Variants in FOXK1 observed in about 807,000 individuals in gnomAD.
FOXK1 encodes forkhead box protein K1.
FOXK1 carries 19 observed loss-of-function variants against 51.9 expected under a neutral mutation model. The ratio of observed to expected loss-of-function variants is 0.37; its 90% CI spans 0.26 to 0.54. FOXK1 has a LOEUF of 0.54. FOXK1 is among the 20% of genes least tolerant of loss of function. The probability of loss-of-function intolerance (pLI) is 0.87; values close to 1 mark genes in which losing one functional copy is unlikely to be tolerated. For missense variants in FOXK1, 870 were observed against 1,032.7 expected, an observed-to-expected ratio of 0.84 and a Z score of 2.16; for synonymous variants, 537 against 482.6, an observed-to-expected ratio of 1.11 and a Z score of -1.48.
In FOXK1 at chr7:4,733,535, T is replaced by C. The variant is rs896266273; in HGVS notation, c.561-7303T>C. On this transcript the variant is annotated intron_variant, in intron 1 of 8. Transcript: ENST00000328914. The surrounding 1 kb of genome is among the most constrained non-coding windows in gnomAD (Gnocchi z 5.0). ...TAGACATGACCCATTTGTATCCCAT[T>C]GACCAGCTCATAGTCTCATGGTTGC... is the stretch of plus-strand genomic sequence containing the variant. 6.6e-6 allele frequency among the ~76,000 whole-genome samples: 1 copy of C among 152,192 alleles called. No individual in the cohort carries two copies. Among genetic ancestry groups the C allele is most frequent in the African/African-American group, 2.4e-5 (1 of 41,446 alleles).
chr7:4,689,357 C>T (rs1043898371), intron 1 of FOXK1, among the ~76,000 whole-genome samples: 7 of 152,138 alleles, frequency 4.6e-5, no homozygotes, highest in African/African-American at 9.7e-5. Context: ...TGCTGAGAGG[C>T]GTATTGTGAG....
chr7:4,693,903 A>G (rs1316468587), intron 1 of FOXK1, among the ~76,000 whole-genome samples: 1 of 151,934 alleles, frequency 6.6e-6, no homozygotes, highest in Non-Finnish European at 1.5e-5. Context: ...TTTTTTCTGT[A>G]GAGACAAGGG....
At position 4,723,044 on chromosome 7, in the gene FOXK1, G is replaced by T. The variant is rs1324655036; in HGVS notation, c.561-17794G>T. Among the ~76,000 whole-genome samples the T allele has an allele frequency of 6.6e-6, 1 of 152,052 alleles. No homozygotes were observed. The highest frequency in any genetic ancestry group is 2.4e-5 in the African/African-American group (1 of 41,392). ...CTGGGTTCAGATCACCACACAACCT[G>T]TATCAGCTTGTGATCCCGAACAAAA... On this transcript the variant is annotated intron_variant, in intron 1 of 8. Transcript: ENST00000328914. The surrounding 1 kb of genome is among the most constrained non-coding windows in gnomAD (Gnocchi z 4.7).
At chr7:4,742,932 G>C (rs748872576) in intron 2 of FOXK1, among the ~76,000 whole-genome samples, 1 of 152,228 alleles carries the variant, frequency 6.6e-6, no homozygotes, top group Non-Finnish European at 1.5e-5. Context: ...CTCGTGGAGA[G>C]AGAAGTTCAG....
intron 1 of FOXK1, among the ~76,000 whole-genome samples, chr7:4,732,328 C>CCATTCATTCATT (rs546632870): frequency 6.6e-6 from 1 of 152,256 alleles, no homozygotes; most frequent in South Asian, 2.1e-4. Context: ...CGACAGTTCT[C>CCATTCATTCATT]CATTCATTCA....
Position 4,749,598 on chromosome 7 carries a change from T to G in FOXK1, c.747-4861T>G, listed in dbSNP as rs1344992850. On this transcript the variant is annotated intron_variant, in intron 2 of 8. Transcript: ENST00000328914. The surrounding 1 kb of genome is among the most constrained non-coding windows in gnomAD (Gnocchi z 6.0). ...CAGCCCCTCCAGGCGGGTCCCTCTG[T>G]GTCTCTAGGGCTTCAGGAGGGATCA... Among the ~76,000 whole-genome samples, 1 of 152,142 alleles carries G rather than the reference T, an allele frequency of 6.6e-6. No individual in the cohort carries two copies. The highest frequency in any genetic ancestry group is 1.9e-4 in the East Asian group (1 of 5,186).
rs747115358 is a variant in FOXK1, at chr7:4,735,192, GTC to G, written c.561-5644_561-5643del. Among the ~76,000 whole-genome samples the G allele has an allele frequency of 5.3e-5, 8 of 152,010 alleles. No homozygotes were observed. Among genetic ancestry groups the G allele is most frequent in the Non-Finnish European group, 1.2e-4 (8 of 68,012 alleles). On this transcript the variant is annotated intron_variant, in intron 1 of 8. Transcript: ENST00000328914. The surrounding 1 kb of genome is among the most constrained non-coding windows in gnomAD (Gnocchi z 4.7). ...CTCGCTGTGTAGAGACGGCTCTGTG[GTC>G]TGAGGCTGAGCCAGGCAGTGTCATC...
chr7:4,770,803 T>A lies in FOXK1; in HGVS notation c.*8339T>A, dbSNP rs1781087577. On this transcript the variant is annotated 3_prime_UTR_variant, in exon 9 of 9. Coordinates refer to ENST00000328914, the MANE Select transcript of FOXK1 (RefSeq NM_001037165.2). ...AGCCAATATTGAGTTTTTGTTCTTG[T>A]TGTTTTAATCTGAACGATTATTCTC... 6.6e-6 allele frequency: 1 copy of A among 151,998 alleles called. No homozygotes were observed. The highest frequency in any genetic ancestry group is 1.5e-5 in the Non-Finnish European group (1 of 68,042). The allele number at this position is 151,998 out of a possible 1,614,324, so 9.4% of individuals were successfully genotyped here.
Position 4,747,969 on chromosome 7 carries a change from G to A in FOXK1, c.747-6490G>A, listed in dbSNP as rs756501398. Reference sequence around the variant, plus strand: ...CAAGCGATCCTCCCACCTCAGCCGTGACTACAGGAGCAATCCACTAGTTAA... The same window carrying A: ...CAAGCGATCCTCCCACCTCAGCCGTAACTACAGGAGCAATCCACTAGTTAA... On this transcript the variant is annotated intron_variant, in intron 2 of 8. Coordinates refer to ENST00000328914, the MANE Select transcript of FOXK1 (RefSeq NM_001037165.2). The surrounding 1 kb of genome is among the most constrained non-coding windows in gnomAD (Gnocchi z 9.2). Among the ~76,000 whole-genome samples the A allele has an allele frequency of 2.0e-5, 3 of 152,094 alleles. No homozygotes were observed. Among genetic ancestry groups the A allele is most frequent in the Non-Finnish European group, 4.4e-5 (3 of 68,012 alleles).
intron 1 of FOXK1, among the ~76,000 whole-genome samples, chr7:4,702,653 A>AT (rs1490193946): frequency 6.6e-6 from 1 of 152,112 alleles, no homozygotes; most frequent in Non-Finnish European, 1.5e-5. Context: ...GCCAGCATTC[A>AT]TTGTTTAGTT....
At chr7:4,720,706 TA>T (rs1287504461) in intron 1 of FOXK1, among the ~76,000 whole-genome samples, 2 of 140,048 alleles carry the variant, frequency 1.4e-5, no homozygotes, top group African/African-American at 4.9e-5. Context: ...CCTAGCTTTT[TA>T]CTTTTTTTTT....
Position 4,748,423 on chromosome 7 carries a change from T to C in FOXK1, c.747-6036T>C, listed in dbSNP as rs1583208012. Among the ~76,000 whole-genome samples, 1 of 152,344 alleles carries C rather than the reference T, an allele frequency of 6.6e-6. No homozygotes were observed. The highest frequency in any genetic ancestry group is 1.9e-4 in the East Asian group (1 of 5,178). ...CTGTATTAGAACTGTGTAGTGATTG[T>C]AGCGCTTAGCCATTTCCTTCCTTGT... On this transcript the variant is annotated intron_variant, in intron 2 of 8. Transcript: ENST00000328914. This position sits in a 1 kb window ranked among gnomAD's most constrained non-coding sequence, Gnocchi z 4.9.
chr7:4,691,053 T>G (rs962074980), intron 1 of FOXK1, among the ~76,000 whole-genome samples: 1 of 152,172 alleles, frequency 6.6e-6, no homozygotes, highest in Non-Finnish European at 1.5e-5. Flanking sequence ...GTTTCTAGTT[T>G]CCTGGTAAAA....
chr7:4,687,479 G>A (rs1315531615), intron 1 of FOXK1, among the ~76,000 whole-genome samples: 1 of 151,934 alleles, frequency 6.6e-6, no homozygotes, highest in Non-Finnish European at 1.5e-5. Context: ...TTCTAGGAGA[G>A]ACGGGGTTTC....
Position 4,758,969 on chromosome 7 carries a change from G to A in FOXK1, c.1245-82G>A, listed in dbSNP as rs1780892335. ...CCAGGGAGCGTGGGCGGGTGACGGC[G>A]CTGAGATGCGTGATGTCTCGGAAAC... On this transcript the variant is annotated intron_variant, in intron 5 of 8. Transcript: ENST00000328914. This position sits in a 1 kb window ranked among gnomAD's most constrained non-coding sequence, Gnocchi z 4.4. The A allele has an allele frequency of 1.2e-5, 17 of 1,448,394 alleles. No homozygotes were observed. The highest frequency in any genetic ancestry group is 2.2e-5 in the Admixed American group (1 of 45,950). 89.7% of individuals were successfully genotyped at this position (1,448,394 alleles called of 1,614,324 possible). A position where few individuals can be genotyped will look rare whatever the true frequency, so the allele number is the denominator to read the frequency against.
At chr7:4,737,098 C>G (rs997950780) in intron 1 of FOXK1, among the ~76,000 whole-genome samples, 1 of 151,852 alleles carries the variant, frequency 6.6e-6, no homozygotes, top group Non-Finnish European at 1.5e-5. Context: ...AAAAACACCT[C>G]TTCATGTCTT....
At position 4,704,834 on chromosome 7, in the gene FOXK1, C is replaced by CTTTTTTTTTTTTTTTTTTTTTTT. The variant is rs775099211; in HGVS notation, c.560+21981_560+21982insTTTTTTTTTTTTTTTTTTTTTTT. ...CTCCCAAACCAATCTATGTTTCATT[C>CTTTTTTTTTTTTTTTTTTTTTTT]TTTTTTTTTTTTTTTGAGAAAAAGT... On this transcript the variant is annotated intron_variant, in intron 1 of 8. Coordinates refer to ENST00000328914, the MANE Select transcript of FOXK1 (RefSeq NM_001037165.2). Among the ~76,000 whole-genome samples, 40 of 131,394 alleles carry CTTTTTTTTTTTTTTTTTTTTTTT rather than the reference C, an allele frequency of 3.0e-4. 4 individuals carry two copies. The highest frequency in any genetic ancestry group is 4.0e-3 in the Middle Eastern group (1 of 248). 86.2% of individuals were successfully genotyped at this position (131,394 alleles called of 152,430 possible). A position where few individuals can be genotyped will look rare whatever the true frequency, so the allele number is the denominator to read the frequency against.
chr7:4,695,538 C>T (rs894919546), intron 1 of FOXK1, among the ~76,000 whole-genome samples: 1 of 152,214 alleles, frequency 6.6e-6, no homozygotes, highest in Non-Finnish European at 1.5e-5. Flanking sequence ...GGCGCGGTGG[C>T]TCATGCCTGT....
chr7:4,754,225 G>A (rs1272081499), intron 2 of FOXK1, among the ~76,000 whole-genome samples: 4 of 152,210 alleles, frequency 2.6e-5, no homozygotes, highest in East Asian at 1.9e-4. Context: ...GAGGGCCCGC[G>A]GTGCTCTCAG....
Sources: allele counts gnomAD v4.1 joint callset (sites outside exome capture counted in the v4.1 genomes callset), GRCh38; gene constraint gnomAD v4.1.1; non-coding constraint Gnocchi (gnomAD v3.1); transcripts MANE v1.5; gene names NCBI Gene and HGNC (gene_info 2026-07-23, HGNC 2026-07-21).